The following IL16 variants were observed in gnomAD, a reference collection of about 807,000 sequenced individuals.
IL16 encodes the protein pro-interleukin-16.
Under a neutral mutation model 110.1 loss-of-function variants are expected in IL16, and 67 were observed. That is an observed-to-expected ratio of 0.61 (90% CI 0.50 to 0.75). The LOEUF is 0.75. Among genes scored for constraint, IL16 ranks in the 30% least tolerant of loss-of-function variants. IL16 has a pLI of 0.00. For missense variants in IL16, 1,545 were observed against 1,655.0 expected, an observed-to-expected ratio of 0.93 and a Z score of 1.15; for synonymous variants, 689 against 662.9, an observed-to-expected ratio of 1.04 and a Z score of -0.61.
chr15:81,279,470 A>C, intron 7 of IL16, 88 bp from the exon 8 acceptor site: 1 of 840,132 alleles, frequency 1.2e-6, no homozygotes, highest in Non-Finnish European at 1.9e-6. Context: ...ACACATACAC[A>C]CACACAGAGG....
Position 81,255,514 on chromosome 15 carries a change from G to A in IL16, c.313-4258G>A, listed in dbSNP as rs117148937. Among the ~76,000 whole-genome samples, 1,265 of 152,324 alleles carry A rather than the reference G, an allele frequency of 8.3e-3. 7 individuals carry two copies. Among genetic ancestry groups the A allele is most frequent in the Middle Eastern group, 0.024 (7 of 294 alleles). On this transcript the variant is annotated intron_variant, in intron 2 of 18. Transcript: ENST00000683961. The stretch of plus-strand genomic sequence containing the variant: ...TGGTTGGAGGATACAGACTTGTGAA[G>A]GAAGGAGAAGGACTCATCTGCATAG...
At chr15:81,250,018 C>A (rs897066594) in intron 2 of IL16, among the ~76,000 whole-genome samples, 1 of 151,916 alleles carries the variant, frequency 6.6e-6, no homozygotes, top group Non-Finnish European at 1.5e-5. Flanking sequence ...GGCTGGGAAG[C>A]CTTATTTTCT....
intron 12 of IL16, chr15:81,295,508 A>C: frequency 7.8e-7 from 1 of 1,289,454 alleles, no homozygotes; most frequent in South Asian, 1.2e-5. Context: ...CAACTTACAG[A>C]GCTCCCAACC....
At chr15:81,182,994 G>A (rs1895366605) in intron 1 of IL16, 1 of 741,368 alleles carries the variant, frequency 1.3e-6, no homozygotes, top group Non-Finnish European at 2.0e-6. Flanking sequence ...TGGAAGCATG[G>A]TTTTGGTCCC....
At position 81,186,768 on chromosome 15, in the gene IL16, T is replaced by C. The variant is rs1895425047; in HGVS notation, c.40+3872T>C. The stretch of plus-strand genomic sequence containing the variant: ...ATTTTAGTATATTTGCTTTATCACA[T>C]CTATCCATCTCTCCATCCCTCTGTC... On this transcript the variant is annotated intron_variant, in intron 1 of 18. Transcript: ENST00000302987. 2.0e-5 allele frequency among the ~76,000 whole-genome samples: 3 copies of C among 152,230 alleles called. No homozygotes were observed. The South Asian group carries it at 6.2e-4, about 32-fold the overall frequency.
chr15:81,285,904 G>GAAA, intron 10 of IL16, 74 bp downstream of exon 10: 1 of 1,486,546 alleles, frequency 6.7e-7, no homozygotes, highest in Non-Finnish European at 9.3e-7. Context: ...AGAAATAGAT[G>GAAA]AAAACAGAGA....
Position 81,299,918 on chromosome 15 carries a change from C to G in IL16, c.2592C>G (p.Leu864=), listed in dbSNP as rs1046094990. 12 of 1,613,492 alleles carry G rather than the reference C, an allele frequency of 7.4e-6. No individual in the cohort carries two copies. The highest frequency in any genetic ancestry group is 9.3e-6 in the Non-Finnish European group (11 of 1,180,004). Residue 864 remains leucine (L), a synonymous_variant, in exon 14 of 19, where the codon CTC becomes CTG. Transcript: ENST00000683961. The stretch of plus-strand genomic sequence containing the variant: ...ACAAAGGAGCCCAGAGACTGAGCCT[C>G]CAGCCCTCCTCTGGGGAGGCAGCAA... ...LPDKGAQRLS[L]QPSSGEAAKP... is the part of the protein sequence containing the mutation.
intron 2 of IL16, among the ~76,000 whole-genome samples, chr15:81,258,798 C>T (rs950034224): frequency 9.2e-5 from 14 of 151,728 alleles, no homozygotes; most frequent in East Asian, 1.9e-4. Flanking sequence ...TGTGCATATA[C>T]GCACACACAA....
At chr15:81,269,439 T>G in intron 4 of IL16, 99 bp from the exon 5 acceptor site, 1 of 791,118 alleles carries the variant, frequency 1.3e-6, no homozygotes, top group Non-Finnish European at 2.2e-6. Flanking sequence ...GAAAGAGGAC[T>G]TGGTTCCTCT....
intron 1 of IL16, among the ~76,000 whole-genome samples, chr15:81,202,659 A>AT (rs1267474449): frequency 6.6e-6 from 1 of 152,180 alleles, no homozygotes; most frequent in South Asian, 2.1e-4. Context: ...TGAACTCATC[A>AT]TTTTTTATGG....
Position 81,300,440 on chromosome 15 carries a change from T to C in IL16, c.3114T>C (p.Ala1038=), listed in dbSNP as rs778338788. Residue 1038 remains alanine (A), a synonymous_variant, in exon 14 of 19, where the codon GCT becomes GCC. Coordinates refer to ENST00000683961, the MANE Select transcript of IL16 (RefSeq NM_172217.5). ...SNEDSAANGS[A]ETSALDTGFS... is the part of the protein sequence containing the mutation. ...AAGACTCAGCTGCAAATGGTTCTGC[T>C]GAAACATCTGCCTTGGACACAGGGT... 12 of 1,613,988 alleles carry C rather than the reference T, an allele frequency of 7.4e-6. No individual in the cohort carries two copies. Among genetic ancestry groups the C allele is most frequent in the Non-Finnish European group, 9.3e-6 (11 of 1,179,976 alleles).
chr15:81,189,120 ATTTTT>A (rs34519204), intron 1 of IL16, among the ~76,000 whole-genome samples: 11,725 of 126,776 alleles, frequency 0.092, 458 homozygotes, highest in Middle Eastern at 0.11. Flanking sequence ...TGCCAAGATA[ATTTTT>A]TTTTTTTTTT....
At position 81,291,829 on chromosome 15, in the gene IL16, A is replaced by G; in HGVS notation, c.1421-727A>G. The G allele has an allele frequency of 6.8e-6, 3 of 438,730 alleles. No homozygotes were observed. In the Admixed American group the frequency reaches 7.2e-5, roughly 11 times the overall value. 27.2% of individuals were successfully genotyped at this position (438,730 alleles called of 1,614,324 possible). On this transcript the variant is annotated intron_variant, in intron 11 of 18. Transcript: ENST00000683961. ...AAAGAAATAGTGACTTCTTCGTGTA[A>G]GATTCAAAGTGCCTTGACAGGTAGT...
chr15:81,183,770 C>T lies in IL16; in HGVS notation c.40+874C>T, dbSNP rs557006658. Among the ~76,000 whole-genome samples, 5 of 152,134 alleles carry T rather than the reference C, an allele frequency of 3.3e-5. No homozygotes were observed. The East Asian group carries it at 7.7e-4, about 24-fold the overall frequency. On this transcript the variant is annotated intron_variant, in intron 1 of 18. Transcript: ENST00000302987. ...GGGAATAAGAACCTGGGCCATGGGGCGTGGCCACCTGGGATGGAATCTTGG... is the reference window on the plus strand; with the variant it reads ...GGGAATAAGAACCTGGGCCATGGGGTGTGGCCACCTGGGATGGAATCTTGG...
chr15:81,268,792 A>C (rs1194142960), intron 4 of IL16, among the ~76,000 whole-genome samples: 2 of 152,218 alleles, frequency 1.3e-5, no homozygotes, highest in Admixed American at 1.3e-4. Context: ...CATTTTAAGC[A>C]CTCGCATAGA....
chr15:81,204,758 AAAAG>A (rs1051589673), intron 1 of IL16, among the ~76,000 whole-genome samples: 10 of 127,866 alleles, frequency 7.8e-5, no homozygotes, highest in African/African-American at 3.7e-4. Context: ...TTAAAAAAAA[AAAAG>A]AAAAAAAAGA....
chr15:81,199,171 C>T (rs10851946), intron 1 of IL16, among the ~76,000 whole-genome samples: 38,217 of 151,470 alleles, frequency 0.25, 6,960 homozygotes, highest in African/African-American at 0.49. Context: ...CTCATAAACA[C>T]GGGGAGAAAA....
rs940141948 is a variant in IL16 at position 81,312,563 on chromosome 15, T to G, written c.*3765T>G. 6.6e-6 allele frequency: 1 copy of G among 152,272 alleles called. No homozygotes were observed. The highest frequency in any genetic ancestry group is 2.4e-5 in the African/African-American group (1 of 41,472). The allele number at this position is 152,272 out of a possible 1,614,324, so 9.4% of individuals were successfully genotyped here. On this transcript the variant is annotated 3_prime_UTR_variant, in exon 19 of 19. Transcript: ENST00000683961. ...CATCCCTAATGCTGCAGATTTGGGCTGGAACAGATTCACACTGTCTGGTTT... is the reference window on the plus strand; with the variant it reads ...CATCCCTAATGCTGCAGATTTGGGCGGGAACAGATTCACACTGTCTGGTTT...
chr15:81,294,481 G>C (rs1041066568), intron 12 of IL16, among the ~76,000 whole-genome samples: 1 of 152,212 alleles, frequency 6.6e-6, no homozygotes, highest in Non-Finnish European at 1.5e-5. Flanking sequence ...TAGGGTCAGG[G>C]AATATTCCCG....
Sources: allele counts gnomAD v4.1 joint callset (sites outside exome capture counted in the v4.1 genomes callset), GRCh38; gene constraint gnomAD v4.1.1; transcripts MANE v1.5; gene names NCBI Gene and HGNC (gene_info 2026-07-23, HGNC 2026-07-21).